The following RADX variants were observed in gnomAD, a reference collection of about 807,000 sequenced individuals.
RADX encodes the protein RPA1 related single stranded DNA binding protein, X-linked, also known as RPA-related protein RADX.
Under a neutral mutation model 61.6 loss-of-function variants are expected in RADX, and 36 were observed. The observed-to-expected ratio is 0.58, with a 90% CI of 0.45 to 0.77. The LOEUF is 0.77. Among genes scored for constraint, RADX ranks in the 30% least tolerant of loss-of-function variants. The pLI, the probability that RADX is intolerant of heterozygous loss-of-function variation, is 0.00. For missense variants in RADX, 497 were observed against 651.1 expected (o/e 0.76, Z 2.58); for synonymous variants, 272 against 237.9 (o/e 1.14, Z -1.32).
At chrX:106,660,983 C>T (rs1454266699) in intron 11 of RADX, among the ~76,000 whole-genome samples, 1 of 110,968 alleles carries the variant, frequency 9.0e-6, no homozygotes, top group Non-Finnish European at 1.9e-5. Context: ...ACAATGTGTG[C>T]AGGAAGAAAT....
At position 106,632,634 on chromosome X, in the gene RADX, T is replaced by A; in HGVS notation, c.989T>A (p.Leu330Gln). The A allele has an allele frequency of 8.4e-7, 1 of 1,186,096 alleles. No homozygotes were observed. Among genetic ancestry groups the A allele is most frequent in the Non-Finnish European group, 1.1e-6 (1 of 876,115 alleles). ...IKLISTMEIC[L>Q]NLRDPPTNII... Reference sequence around the variant, plus strand: ...TATATTTATTTTTCAGAAATCTGCCTGAATCTTCGAGATCCCCCAACAAAT... The same window carrying A: ...TATATTTATTTTTCAGAAATCTGCCAGAATCTTCGAGATCCCCCAACAAAT... The change falls in exon 4 of 14, where the codon CTG (leucine) becomes CAG (glutamine). Residue 330 changes from leucine (L) to glutamine (Q), a missense_variant. Around this residue, in one of 3 missense-constraint regions of RADX, gnomAD observed 196 missense variants for 315.0 expected, o/e 0.62. Transcript: ENST00000372548.
In RADX at chrX:106,637,820, G is replaced by A; in HGVS notation, c.1469G>A (p.Arg490Lys). 1 of 1,209,596 alleles carries A rather than the reference G, an allele frequency of 8.3e-7. No individual in the cohort carries two copies. The highest frequency in any genetic ancestry group is 3.0e-5 in the East Asian group (1 of 33,815). Residue 490 changes from arginine to lysine, a missense_variant, in exon 8 of 14, where the codon AGA (arginine) becomes AAA (lysine). Coordinates refer to ENST00000372548, the MANE Select transcript of RADX (RefSeq NM_018015.6). ...GTAAAAAACTTTATTCAATGGATTA[G>A]AACAAAGTCTGATTCCGGGGAACAG... ...AKVKNFIQWI[R>K]TKSDSGEQKN...
chrX:106,626,940 G>A (rs990502305), intron 3 of RADX, among the ~76,000 whole-genome samples: 3 of 111,864 alleles, frequency 2.7e-5, no homozygotes, highest in Non-Finnish European at 3.8e-5. Flanking sequence ...GGCTTTGCAG[G>A]CCATATGGTC....
intron 12 of RADX, 148 bp from the exon 13 acceptor site, chrX:106,669,015 A>T (rs917979519): frequency 2.0e-6 from 1 of 500,059 alleles, no homozygotes; most frequent in Admixed American, 3.2e-5. Flanking sequence ...AAATTGCAAT[A>T]CTAGGAGTTT....
intron 10 of RADX, among the ~76,000 whole-genome samples, chrX:106,647,193 T>C (rs966292112): frequency 9.0e-6 from 1 of 111,103 alleles, no homozygotes. Flanking sequence ...TCTCCATGTG[T>C]TCAGTTGTTT....
At chrX:106,625,417 A>G (rs768884056) in intron 3 of RADX, 135 bp downstream of exon 3, 8 of 357,270 alleles carry the variant, frequency 2.2e-5, no homozygotes, top group Non-Finnish European at 3.7e-5. Flanking sequence ...TTATTTGTCC[A>G]TAAAATTTTC....
chrX:106,630,424 A>G (rs1927188538), intron 3 of RADX, among the ~76,000 whole-genome samples: 1 of 111,099 alleles, frequency 9.0e-6, no homozygotes, highest in Non-Finnish European at 1.9e-5. Flanking sequence ...AATGGGTAAA[A>G]GTTAGATACA....
Position 106,639,815 on chromosome X carries a change from A to G in RADX, c.1734+128A>G, listed in dbSNP as rs770352111. The G allele has an allele frequency of 5.8e-6, 3 of 519,364 alleles. No homozygotes were observed. The African/African-American group carries it at 7.6e-5, about 13-fold the overall frequency. The allele number at this position is 519,364 out of a possible 1,213,427, so 42.8% of individuals were successfully genotyped here. A position where few individuals can be genotyped will look rare whatever the true frequency, so the allele number is the denominator to read the frequency against. ...TAATAATGTAAGCCTAAGAGAAAAC[A>G]TTAGGTTGGTGCAAAAGGCATTGTG... On this transcript the variant is annotated intron_variant, in intron 9 of 13. Coordinates refer to ENST00000372548, the MANE Select transcript of RADX (RefSeq NM_018015.6).
Position 106,632,644 on chromosome X carries a change from A to C in RADX, c.999A>C (p.Arg333=), listed in dbSNP as rs1346255. The change falls in exon 4 of 14, where the codon CGA becomes CGC. Residue 333 remains arginine, a synonymous_variant. Transcript: ENST00000372548. Reference sequence around the variant, plus strand: ...TTTCAGAAATCTGCCTGAATCTTCGAGATCCCCCAACAAATATAATTATCA... The same window carrying C: ...TTTCAGAAATCTGCCTGAATCTTCGCGATCCCCCAACAAATATAATTATCA... ...ISTMEICLNL[R]DPPTNIIIIP... 3.8e-4 allele frequency: 453 copies of C among 1,195,015 alleles called. 2 individuals carry two copies. In the African/African-American group the frequency reaches 6.5e-3, roughly 17 times the overall value.
chrX:106,617,418 C>T (rs1282264873), intron 1 of RADX, among the ~76,000 whole-genome samples: 1 of 111,262 alleles, frequency 9.0e-6, no homozygotes, highest in Non-Finnish European at 1.9e-5. Context: ...AAATGTAATT[C>T]ACATATTCCA....
intron 1 of RADX, 52 bp from the exon 2 acceptor site, chrX:106,622,599 A>G: frequency 2.1e-6 from 2 of 968,602 alleles, no homozygotes; most frequent in Admixed American, 5.6e-5. Flanking sequence ...TAGATCTTTG[A>G]AGTTACCATT....
Position 106,632,226 on chromosome X carries a change from A to G in RADX, c.980-399A>G, listed in dbSNP as rs184603792. Among the ~76,000 whole-genome samples, 351 of 112,286 alleles carry G rather than the reference A, an allele frequency of 3.1e-3. 1 individual carries two copies. Among genetic ancestry groups the G allele is most frequent in the Non-Finnish European group, 5.2e-3 (276 of 53,209 alleles). ...ACTGGAACATTATTCAGCTGTGGAA[A>G]TGACAAGAAAACTGCTACATGCAGC... On this transcript the variant is annotated intron_variant, in intron 3 of 13. Transcript: ENST00000372548.
chrX:106,644,192 C>T (rs1419640024), intron 10 of RADX, among the ~76,000 whole-genome samples: 1 of 111,191 alleles, frequency 9.0e-6, no homozygotes, highest in Non-Finnish European at 1.9e-5. Flanking sequence ...TAAGTTTTTC[C>T]AAATATAAAA....
chrX:106,616,988 T>C (rs188798939), intron 1 of RADX, among the ~76,000 whole-genome samples: 1 of 108,370 alleles, frequency 9.2e-6, no homozygotes, highest in East Asian at 2.8e-4. Flanking sequence ...TGGCTTGCAA[T>C]TGGCATTTCT....
At chrX:106,644,532 A>G (rs933276423) in intron 10 of RADX, among the ~76,000 whole-genome samples, 22 of 111,337 alleles carry the variant, frequency 2.0e-4, no homozygotes, top group African/African-American at 7.1e-4. Flanking sequence ...AAATGATTGT[A>G]TGGTTTTGAT....
At chrX:106,642,960 G>T (rs1306029334) in intron 10 of RADX, among the ~76,000 whole-genome samples, 1 of 110,984 alleles carries the variant, frequency 9.0e-6, no homozygotes, top group Non-Finnish European at 1.9e-5. Flanking sequence ...GAGGTAAAAT[G>T]GTATCTATCC....
At chrX:106,649,100 C>G (rs1927733747) in intron 11 of RADX, among the ~76,000 whole-genome samples, 1 of 111,191 alleles carries the variant, frequency 9.0e-6, no homozygotes, top group African/African-American at 3.3e-5. Context: ...TCTGTCCTTA[C>G]CTATTAGATT....
At chrX:106,659,209 G>A (rs1243102234) in intron 11 of RADX, among the ~76,000 whole-genome samples, 7 of 111,349 alleles carry the variant, frequency 6.3e-5, no homozygotes, top group Non-Finnish European at 1.3e-4. Context: ...TTGAACTCCC[G>A]GCCTCAAGCA....
chrX:106,641,222 G>T (rs1040351598), intron 10 of RADX, among the ~76,000 whole-genome samples: 1 of 110,351 alleles, frequency 9.1e-6, no homozygotes. Flanking sequence ...CTGAGGGTTA[G>T]GACTTCATCA....
Sources: gnomAD v4.1 joint callset for allele counts (sites outside exome capture counted in the v4.1 genomes callset) on GRCh38, gnomAD v4.1.1 for gene constraint, gnomAD v4.1.1 regional missense constraint, MANE v1.5 for transcripts, NCBI Gene and HGNC (gene_info 2026-07-23, HGNC 2026-07-21) for gene names.